BTBD16: variants seen among roughly 807,000 people sequenced by gnomAD.
BTBD16 encodes BTB domain containing 16, also known as BTB/POZ domain-containing protein 16.
BTBD16 carries 66 observed loss-of-function variants against 67.4 expected under a neutral mutation model. That is an observed-to-expected ratio of 0.98 (90% CI 0.80 to 1.20). BTBD16 has a LOEUF of 1.20. Ranked by LOEUF, BTBD16 falls within the 50% of genes most tolerant of loss-of-function variation. BTBD16 has a pLI of 0.00. For missense variants in BTBD16, 634 were observed against 616.0 expected, an observed-to-expected ratio of 1.03 and a Z score of -0.31; for synonymous variants, 242 against 236.4, an observed-to-expected ratio of 1.02 and a Z score of -0.22.
intron 13 of BTBD16, among the ~76,000 whole-genome samples, chr10:122,333,822 A>G (rs1158982362): frequency 6.6e-6 from 1 of 152,216 alleles, no homozygotes; most frequent in Non-Finnish European, 1.5e-5. Flanking sequence ...GATCAGTCAA[A>G]GCTGACCTTC....
intron 7 of BTBD16, among the ~76,000 whole-genome samples, chr10:122,296,364 C>T (rs1379040392): frequency 6.6e-6 from 1 of 152,152 alleles, no homozygotes; most frequent in Non-Finnish European, 1.5e-5. Flanking sequence ...AACAAGACCC[C>T]ATCTGCCTTC....
chr10:122,291,257 T>C (rs1397101858), intron 7 of BTBD16, 63 bp downstream of exon 7: 24 of 1,550,216 alleles, frequency 1.5e-5, no homozygotes, highest in Middle Eastern at 3.4e-4. Flanking sequence ...GGGCAATTCC[T>C]GGCCCATTTG....
At chr10:122,281,666 T>A (rs74161443) in intron 3 of BTBD16, among the ~76,000 whole-genome samples, 5,592 of 152,254 alleles carry the variant, frequency 0.037, 338 homozygotes, top group African/African-American at 0.13. Context: ...CCTTGCAAGT[T>A]ATTCCAAACA....
chr10:122,314,585 T>G (rs2096420521), intron 10 of BTBD16, among the ~76,000 whole-genome samples: 3 of 152,226 alleles, frequency 2.0e-5, no homozygotes, highest in African/African-American at 7.2e-5. Context: ...CATCTTCCGT[T>G]GTATTTATTC....
intron 1 of BTBD16, among the ~76,000 whole-genome samples, chr10:122,274,269 T>C (rs1001575046): frequency 2.0e-5 from 3 of 152,326 alleles, no homozygotes; most frequent in Non-Finnish European, 2.9e-5. Context: ...GCCAGGCCAG[T>C]TGGGGCCTCT....
At chr10:122,280,551 CT>C (rs1184200388) in intron 3 of BTBD16, among the ~76,000 whole-genome samples, 1 of 146,686 alleles carries the variant, frequency 6.8e-6, no homozygotes, top group Admixed American at 6.9e-5. Context: ...GAAGGGACCC[CT>C]ATATTTTTAT....
chr10:122,326,649 C>T (rs1419634586), intron 10 of BTBD16, among the ~76,000 whole-genome samples: 1 of 152,150 alleles, frequency 6.6e-6, no homozygotes, highest in Non-Finnish European at 1.5e-5. Flanking sequence ...CAGAGGGAGA[C>T]TTGTCCCCAG....
intron 7 of BTBD16, 23 bp from the exon 8 acceptor site, chr10:122,297,745 A>C: frequency 6.2e-7 from 1 of 1,613,718 alleles, no homozygotes. Flanking sequence ...GTTCCTCCAG[A>C]AACTGCAGTT....
At chr10:122,336,393 C>T in intron 14 of BTBD16, 101 bp from the exon 15 acceptor site, 2 of 1,055,706 alleles carry the variant, frequency 1.9e-6, no homozygotes, top group Non-Finnish European at 2.7e-6. Context: ...TTGCTGCCTG[C>T]ACACATTATA....
chr10:122,298,790 C>T (rs921156244), intron 8 of BTBD16, among the ~76,000 whole-genome samples: 1 of 152,174 alleles, frequency 6.6e-6, no homozygotes, highest in African/African-American at 2.4e-5. Flanking sequence ...CATAGGTTTT[C>T]GCTGAGGATT....
chr10:122,283,429 C>T (rs999810093), intron 3 of BTBD16, among the ~76,000 whole-genome samples: 14 of 152,172 alleles, frequency 9.2e-5, no homozygotes, highest in African/African-American at 3.4e-4. Flanking sequence ...TTTGGACACA[C>T]TGAGAATGGG....
At chr10:122,280,562 TATTATA>T (rs1363571936) in intron 3 of BTBD16, among the ~76,000 whole-genome samples, 2 of 148,480 alleles carry the variant, frequency 1.3e-5, no homozygotes, top group East Asian at 3.9e-4. Context: ...TATATTTTTA[TATTATA>T]TTATATTATA....
chr10:122,316,946 C>G (rs1263874544), intron 10 of BTBD16, among the ~76,000 whole-genome samples: 1 of 152,140 alleles, frequency 6.6e-6, no homozygotes, highest in Non-Finnish European at 1.5e-5. Flanking sequence ...TGTCAGTGCG[C>G]CCGGCTAATT....
intron 9 of BTBD16, among the ~76,000 whole-genome samples, chr10:122,301,232 G>A (rs1458218333): frequency 6.6e-6 from 1 of 152,190 alleles, no homozygotes; most frequent in African/African-American, 2.4e-5. Context: ...AGGCTGAGCT[G>A]TCACACCCTG....
Position 122,289,949 on chromosome 10 carries a change from G to A in BTBD16, c.426G>A (p.Lys142=). The stretch of plus-strand genomic sequence containing the variant: ...AGACCAAAGAAAAATCCCCTGCAAA[G>A]AGGATCATCATTTCCTTGAAGATCA... ...PKKTKEKSPA[K]RIIISLKIND... is the part of the protein sequence containing the mutation. Residue 142 remains lysine, a synonymous_variant, in exon 6 of 16, where the codon AAG becomes AAA. Transcript: ENST00000260723. 3.1e-6 allele frequency: 5 copies of A among 1,613,804 alleles called. No individual in the cohort carries two copies. The highest frequency in any genetic ancestry group is 3.3e-4 in the Middle Eastern group (2 of 6,062).
At chr10:122,336,445 G>A in intron 14 of BTBD16, 49 bp from the exon 15 acceptor site, 3 of 1,510,848 alleles carry the variant, frequency 2.0e-6, no homozygotes, top group Non-Finnish European at 2.7e-6. Context: ...CCCTAACTCT[G>A]GGCCACCCCG....
chr10:122,280,555 A>G lies in BTBD16; in HGVS notation c.168-3296A>G, dbSNP rs996363118. Among the ~76,000 whole-genome samples the G allele has an allele frequency of 7.2e-5, 9 of 125,692 alleles. No homozygotes were observed. In the East Asian group the frequency reaches 1.8e-3, roughly 25 times the overall value. The allele number at this position is 125,692 out of a possible 152,430, so 82.5% of individuals were successfully genotyped here. On this transcript the variant is annotated intron_variant, in intron 3 of 15. Transcript: ENST00000260723. ...AAGAATGGGAAGAAGGGACCCCTAT[A>G]TTTTTATATTATATTATATTATATT...
chr10:122,319,681 A>C (rs1389827761), intron 10 of BTBD16, among the ~76,000 whole-genome samples: 1 of 152,042 alleles, frequency 6.6e-6, no homozygotes, highest in Non-Finnish European at 1.5e-5. Flanking sequence ...ATTTTTTTCA[A>C]AGTTATTTTG....
chr10:122,313,270 TG>T lies in BTBD16; in HGVS notation c.911+5963del, dbSNP rs148049001. On this transcript the variant is annotated intron_variant, in intron 10 of 15. Coordinates refer to ENST00000260723, the MANE Select transcript of BTBD16 (RefSeq NM_144587.5). ...ATAGTTAGTGCTGTTTTTTTTTTTT[TG>T]TTTTTTTTTTTGAGATGGAGTCTCA... Among the ~76,000 whole-genome samples the T allele has an allele frequency of 7.7e-3, 1,117 of 144,574 alleles. 13 individuals are homozygous for T. The highest frequency in any genetic ancestry group is 0.024 in the African/African-American group (945 of 38,878). 94.8% of individuals were successfully genotyped at this position (144,574 alleles called of 152,430 possible).
Sources: allele counts gnomAD v4.1 joint callset (sites outside exome capture counted in the v4.1 genomes callset), GRCh38; gene constraint gnomAD v4.1.1; transcripts MANE v1.5; gene names NCBI Gene and HGNC (gene_info 2026-07-23, HGNC 2026-07-21).